AP3B2: variants seen among roughly 807,000 people sequenced by gnomAD.
AP3B2 encodes AP-3 complex subunit beta-2.
In AP3B2, 50 loss-of-function variants were observed where a neutral mutation model predicts 126.9. That is an observed-to-expected ratio of 0.39 (90% CI 0.31 to 0.50). The LOEUF (loss-of-function observed/expected upper bound fraction) is 0.50, where lower values mean the gene tolerates loss of function less well. Ranked by LOEUF, AP3B2 falls within the 20% of genes least tolerant of loss-of-function variation. AP3B2 has a pLI of 0.79. For missense variants in AP3B2, 1,177 were observed against 1,426.4 expected, an observed-to-expected ratio of 0.83 and a Z score of 2.82; for synonymous variants, 541 against 565.0, an observed-to-expected ratio of 0.96 and a Z score of 0.60.
At chr15:82,694,073 G>A (rs908698488) in intron 1 of AP3B2, among the ~76,000 whole-genome samples, 6 of 147,734 alleles carry the variant, frequency 4.1e-5, no homozygotes, top group African/African-American at 7.5e-5. Context: ...GCGCAATCTC[G>A]GCTCACTGCA....
At chr15:82,688,899 G>A in intron 3 of AP3B2, 68 bp from the exon 4 acceptor site, 2 of 1,416,014 alleles carry the variant, frequency 1.4e-6, no homozygotes, top group Admixed American at 2.0e-5. Flanking sequence ...CCCTACCCCT[G>A]GGATGTCATC....
chr15:82,676,423 G>T, intron 14 of AP3B2, 38 bp downstream of exon 14: 1 of 1,602,928 alleles, frequency 6.2e-7, no homozygotes, highest in Non-Finnish European at 8.5e-7. Flanking sequence ...GAGTTTCTGG[G>T]GACCAGAGTA....
At position 82,664,883 on chromosome 15, in the gene AP3B2, A is replaced by G. The variant is rs765121700; in HGVS notation, c.2089T>C (p.Tyr697His). 5.0e-6 allele frequency: 8 copies of G among 1,606,616 alleles called. No individual in the cohort carries two copies. The highest frequency in any genetic ancestry group is 1.6e-4 in the Middle Eastern group (1 of 6,076). ...CCTGACTCCCCCTCAGAGTCCGAGT[A>G]GAAGGGTTTTTCCTTCTCCTTTCTC... ...EKRKEKEKPF[Y>H]SDSEGESGPT... The change falls in exon 18 of 27, where the codon TAC (tyrosine) becomes CAC (histidine). Residue 697 changes from tyrosine to histidine, a missense_variant. Transcript: ENST00000535359. The surrounding 1 kb of genome is among the most constrained non-coding windows in gnomAD (Gnocchi z 4.5).
In AP3B2 at chr15:82,681,732, A is replaced by C; in HGVS notation, c.361-152T>G. On this transcript the variant is annotated intron_variant, in intron 4 of 26. Coordinates refer to ENST00000535359, the MANE Select transcript of AP3B2 (RefSeq NM_001278512.2). This position sits in a 1 kb window ranked among gnomAD's most constrained non-coding sequence, Gnocchi z 4.0. ...CCTGGATGGTGTGCCAGTGATGGGT[A>C]TCTGGGGGACACTTAATTTTGGCTC... 1 of 819,594 alleles carries C rather than the reference A, an allele frequency of 1.2e-6. No individual in the cohort carries two copies. The highest frequency in any genetic ancestry group is 1.9e-6 in the Non-Finnish European group (1 of 536,942). The allele number at this position is 819,594 out of a possible 1,614,324, so 50.8% of individuals were successfully genotyped here.
At chr15:82,682,314 A>C (rs1175561558) in intron 4 of AP3B2, among the ~76,000 whole-genome samples, 10 of 151,956 alleles carry the variant, frequency 6.6e-5, no homozygotes, top group Non-Finnish European at 1.5e-4. Context: ...CGGCCTCCCA[A>C]AGTACTGGGA....
chr15:82,701,458 G>C (rs900048521), intron 1 of AP3B2, among the ~76,000 whole-genome samples: 1 of 151,988 alleles, frequency 6.6e-6, no homozygotes, highest in Non-Finnish European at 1.5e-5. Flanking sequence ...AAACTTCCTT[G>C]AACTGAGTGA....
At position 82,664,122 on chromosome 15, in the gene AP3B2, G is replaced by T; in HGVS notation, c.2262-147C>A. Reference sequence around the variant, plus strand: ...CCTGAGGTCCTATAGCAGGGACCCCGTGAGAGCTTGAAGCCAGCTTGTGCC... The same window carrying T: ...CCTGAGGTCCTATAGCAGGGACCCCTTGAGAGCTTGAAGCCAGCTTGTGCC... On this transcript the variant is annotated intron_variant, in intron 19 of 26. Transcript: ENST00000535359. This position sits in a 1 kb window ranked among gnomAD's most constrained non-coding sequence, Gnocchi z 4.5. The T allele has an allele frequency of 7.2e-7, 1 of 1,382,642 alleles. No homozygotes were observed. The highest frequency in any genetic ancestry group is 9.6e-7 in the Non-Finnish European group (1 of 1,046,714). The allele number at this position is 1,382,642 out of a possible 1,614,324, so 85.6% of individuals were successfully genotyped here. A position where few individuals can be genotyped will look rare whatever the true frequency, so the allele number is the denominator to read the frequency against.
chr15:82,705,071 T>C (rs150046977), intron 1 of AP3B2, among the ~76,000 whole-genome samples: 1,621 of 152,172 alleles, frequency 0.011, 27 homozygotes, highest in African/African-American at 0.037. Flanking sequence ...CCACACCTCA[T>C]TGCCACCTTT....
At position 82,681,286 on chromosome 15, in the gene AP3B2, A is replaced by G. The variant is rs544514921; in HGVS notation, c.522-108T>C. ...CACCCCAGCCTTATTGTTCTCCTCC[A>G]TCTCTGTCAGTCCCCCAAACTACCC... On this transcript the variant is annotated intron_variant, in intron 5 of 26. Coordinates refer to ENST00000535359, the MANE Select transcript of AP3B2 (RefSeq NM_001278512.2). The surrounding 1 kb of genome is among the most constrained non-coding windows in gnomAD (Gnocchi z 4.0). The G allele has an allele frequency of 4.0e-5, 60 of 1,517,980 alleles. No individual in the cohort carries two copies. The highest frequency in any genetic ancestry group is 5.2e-5 in the Non-Finnish European group (58 of 1,116,638). The allele number at this position is 1,517,980 out of a possible 1,614,324, so 94.0% of individuals were successfully genotyped here. A position where few individuals can be genotyped will look rare whatever the true frequency, so the allele number is the denominator to read the frequency against.
chr15:82,696,292 T>C (rs1013985041), intron 1 of AP3B2, among the ~76,000 whole-genome samples: 1 of 151,982 alleles, frequency 6.6e-6, no homozygotes, highest in East Asian at 1.9e-4. Flanking sequence ...ATATTCGAAA[T>C]AGAGGCCAGG....
chr15:82,704,117 A>T (rs1225457506), intron 1 of AP3B2, among the ~76,000 whole-genome samples: 2 of 152,192 alleles, frequency 1.3e-5, no homozygotes, highest in African/African-American at 2.4e-5. Context: ...ACCTCTGCCA[A>T]ATCAGTTAGT....
chr15:82,671,078 G>GT, intron 14 of AP3B2, among the ~76,000 whole-genome samples: 2 of 152,092 alleles, frequency 1.3e-5, no homozygotes, highest in Admixed American at 1.3e-4. Context: ...GAGATCAGGA[G>GT]TTGAGACCAG....
Position 82,663,800 on chromosome 15 carries a change from C to A in AP3B2, c.2436+1G>T. 6.2e-7 allele frequency: 1 copy of A among 1,612,104 alleles called. No homozygotes were observed. Among genetic ancestry groups the A allele is most frequent in the Non-Finnish European group, 8.5e-7 (1 of 1,178,828 alleles). ...CCCTGACTCTGCCCCAAGGCTCTCA[C>A]TGTTTTCCTGCTCCAGGAGGCAGGT... On this transcript the variant is annotated splice_donor_variant, in intron 20 of 26. Coordinates refer to ENST00000535359, the MANE Select transcript of AP3B2 (RefSeq NM_001278512.2). LOFTEE classifies it high-confidence loss of function.
chr15:82,684,122 T>C, intron 4 of AP3B2, among the ~76,000 whole-genome samples: 1 of 152,210 alleles, frequency 6.6e-6, no homozygotes, highest in East Asian at 1.9e-4. Context: ...CTAGCTGCAT[T>C]GGCCCCTAAC....
intron 1 of AP3B2, chr15:82,692,363 A>C: frequency 1.9e-6 from 1 of 521,128 alleles, no homozygotes; most frequent in Non-Finnish European, 3.3e-6. Flanking sequence ...CAACATCGGC[A>C]CCTCCCAACG....
At chr15:82,700,187 C>G (rs974398647) in intron 1 of AP3B2, among the ~76,000 whole-genome samples, 12 of 151,990 alleles carry the variant, frequency 7.9e-5, no homozygotes, top group Non-Finnish European at 1.6e-4. Context: ...CTCATATACC[C>G]TCTTCTCACT....
intron 4 of AP3B2, among the ~76,000 whole-genome samples, chr15:82,683,044 GGA>G (rs1384877772): frequency 2.9e-4 from 34 of 117,218 alleles, no homozygotes; most frequent in Non-Finnish European, 5.6e-4. Flanking sequence ...ATCTGCACCA[GGA>G]GTTTTTTTTT....
intron 14 of AP3B2, among the ~76,000 whole-genome samples, chr15:82,671,044 G>A (rs1230626496): frequency 6.6e-6 from 1 of 152,196 alleles, no homozygotes; most frequent in Non-Finnish European, 1.5e-5. Flanking sequence ...AGTACTTTGG[G>A]AGGCTGAGGC....
chr15:82,680,437 G>T lies in AP3B2; in HGVS notation c.1055+35C>A. The T allele has an allele frequency of 2.8e-6, 4 of 1,454,502 alleles. No homozygotes were observed. The highest frequency in any genetic ancestry group is 3.6e-6 in the Non-Finnish European group (4 of 1,106,286). 90.1% of individuals were successfully genotyped at this position (1,454,502 alleles called of 1,614,324 possible). Reference sequence around the variant, plus strand: ...GGCAGCCCGTGGGGCGGGGCAGGAGGCGAGGGAGGGGGCGGGGCTGGGGGC... The same window carrying T: ...GGCAGCCCGTGGGGCGGGGCAGGAGTCGAGGGAGGGGGCGGGGCTGGGGGC... On this transcript the variant is annotated intron_variant, in intron 8 of 26. Coordinates refer to ENST00000535359, the MANE Select transcript of AP3B2 (RefSeq NM_001278512.2). The surrounding 1 kb of genome is among the most constrained non-coding windows in gnomAD (Gnocchi z 6.1).
Sources: gnomAD v4.1 joint callset for allele counts (sites outside exome capture counted in the v4.1 genomes callset) on GRCh38, gnomAD v4.1.1 for gene constraint, Gnocchi (gnomAD v3.1) non-coding constraint, MANE v1.5 for transcripts, NCBI Gene and HGNC (gene_info 2026-07-23, HGNC 2026-07-21) for gene names.